Variants in TSC22D1 observed in about 807,000 individuals in gnomAD.
TSC22D1 encodes TSC22 domain family member 1.
Under a neutral mutation model 74.2 loss-of-function variants are expected in TSC22D1, and 9 were observed. That is an observed-to-expected ratio of 0.12 (90% CI 0.07 to 0.21). TSC22D1 has a LOEUF of 0.21. Ranked by LOEUF, TSC22D1 falls within the 10% of genes least tolerant of loss-of-function variation. The probability of loss-of-function intolerance (pLI) is 1.00; values close to 1 mark genes in which losing one functional copy is unlikely to be tolerated. For synonymous variants in TSC22D1, 586 were observed against 492.5 expected (o/e 1.19, Z -2.51); for missense variants, 1,427 against 1,304.7 (o/e 1.09, Z -1.44).
At chr13:44,488,501 T>C (rs1878554750) in intron 1 of TSC22D1, among the ~76,000 whole-genome samples, 1 of 152,210 alleles carries the variant, frequency 6.6e-6, no homozygotes, top group African/African-American at 2.4e-5. Context: ...AAGGCTAACG[T>C]TGCATTTCCA....
intron 1 of TSC22D1, among the ~76,000 whole-genome samples, chr13:44,518,007 C>T (rs1405634133): frequency 6.8e-6 from 1 of 147,972 alleles, no homozygotes; most frequent in African/African-American, 2.5e-5. Flanking sequence ...TAGACGTGCA[C>T]CACCACGCCC....
rs762998344 is a variant in TSC22D1 at position 44,576,164 on chromosome 13, G to T, written c.-90C>A. On this transcript the variant is annotated 5_prime_UTR_variant, in exon 1 of 3. Coordinates refer to ENST00000458659, the MANE Select transcript of TSC22D1 (RefSeq NM_183422.4). ...TTGGAGACGCCGGAGAGGAAAACGG[G>T]ACCTGACGCTCCGCCTGGCGCGATT... 2.3e-5 allele frequency: 32 copies of T among 1,368,470 alleles called. No individual in the cohort carries two copies. The highest frequency in any genetic ancestry group is 2.8e-5 in the Non-Finnish European group (30 of 1,058,332). 84.8% of individuals were successfully genotyped at this position (1,368,470 alleles called of 1,614,324 possible).
At chr13:44,474,168 C>T (rs1310311217) in intron 1 of TSC22D1, 5 of 920,110 alleles carry the variant, frequency 5.4e-6, no homozygotes, top group Non-Finnish European at 6.5e-6. Context: ...CTTAGGACAA[C>T]TGAGAGACAA....
chr13:44,516,991 A>G (rs898559614), intron 1 of TSC22D1, among the ~76,000 whole-genome samples: 11 of 152,212 alleles, frequency 7.2e-5, no homozygotes, highest in African/African-American at 2.2e-4. Flanking sequence ...CCAGGGCAAC[A>G]ATCCTAAAAA....
chr13:44,525,073 T>C (rs1407136815), intron 1 of TSC22D1, among the ~76,000 whole-genome samples: 1 of 152,128 alleles, frequency 6.6e-6, no homozygotes, highest in African/African-American at 2.4e-5. Context: ...AAGGAAAATA[T>C]CCAACTAGGG....
chr13:44,487,256 T>C (rs1426495929), intron 1 of TSC22D1, among the ~76,000 whole-genome samples: 1 of 151,908 alleles, frequency 6.6e-6, no homozygotes, highest in Non-Finnish European at 1.5e-5. Context: ...CCCAGCACTT[T>C]GGGAGGCCAA....
intron 1 of TSC22D1, among the ~76,000 whole-genome samples, chr13:44,466,295 C>T (rs997525526): frequency 6.6e-6 from 1 of 152,152 alleles, no homozygotes; most frequent in African/African-American, 2.4e-5. Flanking sequence ...TGCGACTTAG[C>T]ACATACAAAT....
At chr13:44,481,509 C>T (rs909275851) in intron 1 of TSC22D1, among the ~76,000 whole-genome samples, 1 of 152,124 alleles carries the variant, frequency 6.6e-6, no homozygotes, top group Non-Finnish European at 1.5e-5. Flanking sequence ...TTTAAATTAG[C>T]GTGTGATGAG....
At chr13:44,551,879 C>A (rs1882304122) in intron 1 of TSC22D1, among the ~76,000 whole-genome samples, 1 of 152,086 alleles carries the variant, frequency 6.6e-6, no homozygotes, top group East Asian at 1.9e-4. Context: ...CTAGCCTGGG[C>A]AACAGGGCAA....
chr13:44,432,465 T>A lies in TSC22D1; in HGVS notation c.*2161A>T, dbSNP rs1314791347. 1 of 152,250 alleles carries A rather than the reference T, an allele frequency of 6.6e-6. No homozygotes were observed. Among genetic ancestry groups the A allele is most frequent in the East Asian group, 1.9e-4 (1 of 5,198 alleles). 9.4% of individuals were successfully genotyped at this position (152,250 alleles called of 1,614,324 possible). On this transcript the variant is annotated 3_prime_UTR_variant, in exon 3 of 3. Coordinates refer to ENST00000458659, the MANE Select transcript of TSC22D1 (RefSeq NM_183422.4). ...TGAAGTTATATAACCAACAAGCCAA[T>A]ATGAAAGATTTTTCTTTACGTCCTT... is the stretch of plus-strand genomic sequence containing the variant.
intron 1 of TSC22D1, among the ~76,000 whole-genome samples, chr13:44,560,516 TG>T (rs1443281762): frequency 6.6e-6 from 1 of 152,228 alleles, no homozygotes; most frequent in African/African-American, 2.4e-5. Flanking sequence ...TCGTAATTTC[TG>T]TATGTAAAGG....
At chr13:44,510,417 ACTCTTCGG>A (rs1025468064) in intron 1 of TSC22D1, among the ~76,000 whole-genome samples, 4 of 151,824 alleles carry the variant, frequency 2.6e-5, no homozygotes, top group Non-Finnish European at 1.5e-5. Context: ...AAATGTTCAT[ACTCTTCGG>A]CCCTGCAATT....
At chr13:44,435,776 C>G (rs1350271948) in intron 2 of TSC22D1, 2 of 511,750 alleles carry the variant, frequency 3.9e-6, no homozygotes, top group Non-Finnish European at 7.0e-6. Flanking sequence ...TAATAAATCC[C>G]CAGCAAAAAG....
chr13:44,451,873 T>C (rs1170473229), intron 1 of TSC22D1, among the ~76,000 whole-genome samples: 1 of 152,106 alleles, frequency 6.6e-6, no homozygotes, highest in African/African-American at 2.4e-5. Flanking sequence ...CGATCACCAA[T>C]AGGACATCCG....
intron 1 of TSC22D1, among the ~76,000 whole-genome samples, chr13:44,502,830 C>T (rs1034643730): frequency 6.6e-6 from 1 of 152,202 alleles, no homozygotes; most frequent in Non-Finnish European, 1.5e-5. Context: ...AGCTCTTCCT[C>T]CATGTACAGA....
intron 1 of TSC22D1, among the ~76,000 whole-genome samples, chr13:44,500,128 A>C (rs1447898077): frequency 2.0e-5 from 3 of 151,696 alleles, no homozygotes; most frequent in Admixed American, 2.0e-4. Flanking sequence ...AAAAAGAAAA[A>C]AGCTCACGGC....
chr13:44,446,760 AGAAGAAGAG>A (rs1225733436), intron 1 of TSC22D1, among the ~76,000 whole-genome samples: 21 of 37,502 alleles, frequency 5.6e-4, no homozygotes, highest in Non-Finnish European at 8.4e-4. Context: ...AAAAAGAAGA[AGAAGAAGAG>A]GAAGAAGAGG....
intron 1 of TSC22D1, among the ~76,000 whole-genome samples, chr13:44,513,783 T>TA (rs1441322309): frequency 4.6e-5 from 7 of 152,230 alleles, no homozygotes; most frequent in Admixed American, 1.3e-4. Flanking sequence ...TTTTCTCTTC[T>TA]AACTTCTTTT....
chr13:44,571,173 A>C (rs1883736998), intron 1 of TSC22D1, among the ~76,000 whole-genome samples: 1 of 152,200 alleles, frequency 6.6e-6, no homozygotes, highest in East Asian at 1.9e-4. Context: ...TGCTAAACAT[A>C]ATTATAATTG....
Sources: allele counts gnomAD v4.1 joint callset (sites outside exome capture counted in the v4.1 genomes callset), GRCh38; gene constraint gnomAD v4.1.1; transcripts MANE v1.5; gene names NCBI Gene and HGNC (gene_info 2026-07-23, HGNC 2026-07-21).